The following GRHPR variants were observed in gnomAD, a reference collection of about 807,000 sequenced individuals.
GRHPR encodes the protein glyoxylate and hydroxypyruvate reductase.
Under a neutral mutation model 36.8 loss-of-function variants are expected in GRHPR, and 35 were observed. The ratio of observed to expected loss-of-function variants is 0.95; its 90% confidence interval spans 0.73 to 1.26. The LOEUF (loss-of-function observed/expected upper bound fraction) is 1.26, where lower values mean the gene tolerates loss of function less well. GRHPR is among the 50% of genes most tolerant of loss of function. GRHPR has a pLI of 0.00. For synonymous variants in GRHPR, 179 were observed against 181.0 expected (o/e 0.99, Z 0.09); for missense variants, 380 against 435.0 (o/e 0.87, Z 1.12).
Position 37,424,850 on chromosome 9 carries a change from AGGTGGAGCAGTG to A in GRHPR, c.92_103del (p.Val31_Trp34del), listed in dbSNP as rs867093497. On this transcript the variant is annotated inframe_deletion, in exon 2 of 9. Coordinates refer to ENST00000318158, the MANE Select transcript of GRHPR (RefSeq NM_012203.2). ...GGGCCTCCCTTTCCCCGCAGCTGTG[AGGTGGAGCAGTG>A]GGACTCGGATGAGCCCATCCCTGCC... 6.2e-7 allele frequency: 1 copy of A among 1,613,328 alleles called. No individual in the cohort carries two copies. The highest frequency in any genetic ancestry group is 8.5e-7 in the Non-Finnish European group (1 of 1,179,888).
Position 37,428,468 on chromosome 9 carries a change from C to T in GRHPR, c.405-16C>T, listed in dbSNP as rs756355572. The T allele has an allele frequency of 7.0e-6, 11 of 1,570,398 alleles. No individual in the cohort carries two copies. In the African/African-American group the frequency reaches 1.3e-4, roughly 19 times the overall value. On this transcript the variant is annotated splice_polypyrimidine_tract_variant and intron_variant, in intron 4 of 8. Coordinates refer to ENST00000318158, the MANE Select transcript of GRHPR (RefSeq NM_012203.2). ...CCAAGGCTGGGCCTCTCACCTGCCC[C>T]TCTCTCTCCCCTCAGTGGTGGCTGG...
exon 9 of GRHPR, chr9:37,436,986 TGA>T (rs1441974938): frequency 9.0e-6 from 5 of 553,142 alleles, no homozygotes; most frequent in Non-Finnish European, 9.8e-6. Context: ...AATAATTCTC[TGA>T]GAGACCGTCT....
At chr9:37,438,769 A>ACAAGGAGCCACACACACAACT (rs1283542272), downstream of GRHPR, 3 of 152,220 alleles carry the variant, frequency 2.0e-5, no homozygotes, top group Non-Finnish European at 4.4e-5. Flanking sequence ...ATGACTGCTA[A>ACAAGGAGCCACACACACAACT]CAAGGAGCCA....
Position 37,430,062 on chromosome 9 carries a change from G to A in GRHPR, c.598+226G>A, listed in dbSNP as rs200725352. 2.0e-5 allele frequency: 12 copies of A among 588,588 alleles called. No individual in the cohort carries two copies. In the East Asian group the frequency reaches 2.6e-4, roughly 13 times the overall value. 36.5% of individuals were successfully genotyped at this position (588,588 alleles called of 1,614,324 possible). Reference sequence around the variant, plus strand: ...GCCAGCAGAGCAGTCCAGGGCTCCCGTCTTTCAGAGTCCTTTGTTACCATT... The same window carrying A: ...GCCAGCAGAGCAGTCCAGGGCTCCCATCTTTCAGAGTCCTTTGTTACCATT... On this transcript the variant is annotated intron_variant, in intron 6 of 8. Transcript: ENST00000318158.
intron 8 of GRHPR, 66 bp from the exon 9 acceptor site, chr9:37,436,595 A>G (rs890726175): frequency 6.3e-7 from 1 of 1,591,844 alleles, no homozygotes; most frequent in African/African-American, 1.3e-5. Context: ...AGCCATGAAA[A>G]CAGCCCAGCT....
rs1823400132 is a variant in GRHPR, at chr9:37,432,130, A to G, written c.857A>G (p.Lys286Arg). ...ACAAACCACCCTCTCCTGACCCTGA[A>G]GAACTGTGGTAAGAACTGCACTTTC... ...LPTNHPLLTL[K>R]NCVILPHIGS... Residue 286 changes from lysine (K) to arginine (R), a missense_variant, in exon 8 of 9, where the codon AAG (lysine) becomes AGG (arginine). Transcript: ENST00000318158. 6.2e-7 allele frequency: 1 copy of G among 1,614,024 alleles called. No homozygotes were observed. Among genetic ancestry groups the G allele is most frequent in the African/African-American group, 1.3e-5 (1 of 75,042 alleles).
At chr9:37,424,716 C>A (rs1013327220) in intron 1 of GRHPR, 129 bp from the exon 2 acceptor site, 3 of 1,070,674 alleles carry the variant, frequency 2.8e-6, no homozygotes, top group Non-Finnish European at 2.7e-6. Context: ...CCCTGCCTGA[C>A]CCTGCCTCCC....
At chr9:37,431,203 G>A (rs1233543557) in intron 7 of GRHPR, 1 of 366,176 alleles carries the variant, frequency 2.7e-6, no homozygotes, top group Non-Finnish European at 5.5e-6. Context: ...GGTGCCCCTT[G>A]AGCCTGTTTA....
In GRHPR at chr9:37,428,606, G is replaced by A. The variant is rs770696432; in HGVS notation, c.493+34G>A. The A allele has an allele frequency of 2.0e-5, 28 of 1,406,754 alleles. No homozygotes were observed. The East Asian group carries it at 4.8e-4, about 24-fold the overall frequency. The allele number at this position is 1,406,754 out of a possible 1,614,324, so 87.1% of individuals were successfully genotyped here. A position where few individuals can be genotyped will look rare whatever the true frequency, so the allele number is the denominator to read the frequency against. On this transcript the variant is annotated intron_variant, in intron 5 of 8. Coordinates refer to ENST00000318158, the MANE Select transcript of GRHPR (RefSeq NM_012203.2). ...CCCACCGGCCCGCTTGCCCGCCCCG[G>A]CTCTCACAGCGTGGTTTGCATCCCT...
upstream of GRHPR, chr9:37,422,523 C>CCCACACACACAAGGA: frequency 1.8e-6 from 1 of 553,008 alleles, no homozygotes; most frequent in East Asian, 3.5e-5. Flanking sequence ...GCGCACCCCC[C>CCCACACACACAAGGA]CACACACACA....
chr9:37,422,580 C>T (rs1203061711), upstream of GRHPR: 3 of 659,682 alleles, frequency 4.5e-6, no homozygotes, highest in Admixed American at 2.1e-5. Flanking sequence ...CCCGAGCACG[C>T]ACAGTCACCG....
chr9:37,433,228 A>ATTT (rs11345501), intron 8 of GRHPR, among the ~76,000 whole-genome samples: 14 of 97,200 alleles, frequency 1.4e-4, no homozygotes, highest in African/African-American at 3.8e-4. Context: ...TGGTTCTCAC[A>ATTT]TTTTTTTTTT....
chr9:37,434,517 C>A, intron 8 of GRHPR: 1 of 433,734 alleles, frequency 2.3e-6, no homozygotes, highest in Non-Finnish European at 4.3e-6. Context: ...AGGAAAAGCC[C>A]GCAGAACATG....
intron 4 of GRHPR, chr9:37,427,638 G>C (rs1022580642): frequency 6.6e-6 from 1 of 152,254 alleles, no homozygotes; most frequent in Admixed American, 6.5e-5. Flanking sequence ...AGGAGTTGGA[G>C]AACAGCTTGG....
rs549439942 is a variant in GRHPR at position 37,426,347 on chromosome 9, A to G, written c.288-191A>G. On this transcript the variant is annotated intron_variant, in intron 3 of 8. Coordinates refer to ENST00000318158, the MANE Select transcript of GRHPR (RefSeq NM_012203.2). ...CCCTGAACCCTGATCTTCCATCTTC[A>G]TATCCTTCCAAAGTGGGAGATAATC... is the stretch of plus-strand genomic sequence containing the variant. The G allele has an allele frequency of 1.1e-4, 72 of 662,306 alleles. No individual in the cohort carries two copies. In the East Asian group the frequency reaches 1.9e-3, roughly 17 times the overall value. 41.0% of individuals were successfully genotyped at this position (662,306 alleles called of 1,614,324 possible).
intron 6 of GRHPR, 149 bp downstream of exon 6, chr9:37,429,985 C>T (rs1823282361): frequency 1.4e-6 from 1 of 690,070 alleles, no homozygotes; most frequent in Admixed American, 2.0e-5. Flanking sequence ...CTACCTGCCC[C>T]TGGACACTGG....
At chr9:37,436,509 T>C in intron 8 of GRHPR, 152 bp from the exon 9 acceptor site, 1 of 824,624 alleles carries the variant, frequency 1.2e-6, no homozygotes, top group Non-Finnish European at 2.1e-6. Flanking sequence ...AGTGTCAAGC[T>C]TAGTGAAGGT....
chr9:37,431,734 CCTT>C (rs1823376242), intron 7 of GRHPR: 1 of 402,408 alleles, frequency 2.5e-6, no homozygotes, highest in Non-Finnish European at 4.7e-6. Context: ...GTGGTATTCT[CCTT>C]ATCTCACAGA....
intron 7 of GRHPR, 115 bp from the exon 8 acceptor site, chr9:37,431,893 C>T: frequency 1.8e-6 from 2 of 1,099,082 alleles, no homozygotes; most frequent in Non-Finnish European, 2.8e-6. Flanking sequence ...AGACTTACTG[C>T]TTTAAAAGTC....
Sources: allele counts gnomAD v4.1 joint callset (sites outside exome capture counted in the v4.1 genomes callset), GRCh38; gene constraint gnomAD v4.1.1; transcripts MANE v1.5; gene names NCBI Gene and HGNC (gene_info 2026-07-23, HGNC 2026-07-21).